Variants in SGCZ observed in about 807,000 individuals in gnomAD.
The protein encoded by SGCZ is sarcoglycan zeta.
Under a neutral mutation model 41.3 loss-of-function variants are expected in SGCZ, and 40 were observed. That is an observed-to-expected ratio of 0.97 (90% CI 0.75 to 1.26). SGCZ has a LOEUF of 1.26. Ranked by LOEUF, SGCZ falls within the 50% of genes most tolerant of loss-of-function variation. The pLI is 0.00. For missense variants in SGCZ, 552 were observed against 369.8 expected, an observed-to-expected ratio of 1.49 and a Z score of -4.04; for synonymous variants, 206 against 137.5, an observed-to-expected ratio of 1.50 and a Z score of -3.49.
At chr8:14,102,737 T>C (rs1349828019) in intron 6 of SGCZ, among the ~76,000 whole-genome samples, 1 of 152,064 alleles carries the variant, frequency 6.6e-6, no homozygotes, top group Non-Finnish European at 1.5e-5. Flanking sequence ...TCACATCGAG[T>C]ATTTACTCTC....
At chr8:14,405,468 C>A (rs1049332229) in intron 2 of SGCZ, among the ~76,000 whole-genome samples, 1 of 152,108 alleles carries the variant, frequency 6.6e-6, no homozygotes, top group South Asian at 2.1e-4. Flanking sequence ...TCAATGTGCA[C>A]ATCATCGGTT....
intron 4 of SGCZ, among the ~76,000 whole-genome samples, chr8:14,171,523 AT>A (rs1804381362): frequency 6.6e-6 from 1 of 152,014 alleles, no homozygotes; most frequent in South Asian, 2.1e-4. Context: ...GAAATTTCAA[AT>A]TTTTTCTCTA....
intron 1 of SGCZ, among the ~76,000 whole-genome samples, chr8:14,821,439 G>C (rs1802079870): frequency 1.3e-5 from 2 of 151,920 alleles, no homozygotes; most frequent in African/African-American, 2.4e-5. Context: ...GAAAACTAAA[G>C]ATGAGGGAAA....
intron 1 of SGCZ, among the ~76,000 whole-genome samples, chr8:14,790,967 G>C (rs1480729991): frequency 1.3e-5 from 2 of 150,938 alleles, no homozygotes; most frequent in East Asian, 2.0e-4. Flanking sequence ...GGAGGCAAAG[G>C]TTGCAGTGAG....
intron 1 of SGCZ, among the ~76,000 whole-genome samples, chr8:14,673,987 A>G (rs952651381): frequency 2.0e-5 from 3 of 152,196 alleles, no homozygotes; most frequent in Admixed American, 2.0e-4. Flanking sequence ...TGAATGTGTC[A>G]CACACTTTTA....
At chr8:15,096,986 T>C (rs1406236548) in intron 1 of SGCZ, among the ~76,000 whole-genome samples, 4 of 152,070 alleles carry the variant, frequency 2.6e-5, no homozygotes, top group South Asian at 2.1e-4. Flanking sequence ...CACCTAGCCT[T>C]ATTTTATTTT....
intron 1 of SGCZ, among the ~76,000 whole-genome samples, chr8:15,173,295 C>T (rs1799903272): frequency 6.6e-6 from 1 of 152,126 alleles, no homozygotes; most frequent in Non-Finnish European, 1.5e-5. Flanking sequence ...AACAGATCTC[C>T]AGGAATTTTT....
intron 1 of SGCZ, among the ~76,000 whole-genome samples, chr8:14,618,149 A>C (rs1406035568): frequency 6.6e-6 from 1 of 152,194 alleles, no homozygotes; most frequent in Non-Finnish European, 1.5e-5. Context: ...GAAAAACTTG[A>C]CAATAAAATA....
At chr8:14,960,348 G>A (rs1463640630) in intron 1 of SGCZ, among the ~76,000 whole-genome samples, 1 of 151,506 alleles carries the variant, frequency 6.6e-6, no homozygotes, top group Non-Finnish European at 1.5e-5. Flanking sequence ...AATACAAGTG[G>A]CCTCTCTGAT....
intron 2 of SGCZ, among the ~76,000 whole-genome samples, chr8:14,351,223 C>A (rs1041647438): frequency 6.6e-6 from 1 of 152,042 alleles, no homozygotes; most frequent in African/African-American, 2.4e-5. Flanking sequence ...GTAAGATAAG[C>A]CTTGCTGTTA....
At chr8:14,465,808 G>C (rs1217313512) in intron 2 of SGCZ, among the ~76,000 whole-genome samples, 1 of 151,632 alleles carries the variant, frequency 6.6e-6, no homozygotes, top group South Asian at 2.1e-4. Flanking sequence ...TTCAGTTGTT[G>C]ATGACACAGA....
chr8:14,432,500 T>C (rs1022042863), intron 2 of SGCZ, among the ~76,000 whole-genome samples: 1 of 152,166 alleles, frequency 6.6e-6, no homozygotes, highest in Non-Finnish European at 1.5e-5. Context: ...GGCATAAGTA[T>C]GACACAATGG....
chr8:14,363,627 G>A (rs1030565655), intron 2 of SGCZ, among the ~76,000 whole-genome samples: 3 of 151,838 alleles, frequency 2.0e-5, no homozygotes, highest in African/African-American at 7.3e-5. Context: ...ATAACAACTG[G>A]CTAAGAAAAA....
intron 2 of SGCZ, among the ~76,000 whole-genome samples, chr8:14,460,959 C>G (rs143064398): frequency 6.6e-6 from 1 of 152,120 alleles, no homozygotes; most frequent in Non-Finnish European, 1.5e-5. Context: ...GATCCTGAAC[C>G]TAGATTTTGA....
chr8:14,219,678 T>C (rs956499723), intron 4 of SGCZ, among the ~76,000 whole-genome samples: 9 of 151,578 alleles, frequency 5.9e-5, no homozygotes, highest in Non-Finnish European at 1.0e-4. Context: ...ACTTGGGAGC[T>C]GGAGGTTGCA....
At chr8:15,230,249 G>T (rs1268930583) in intron 1 of SGCZ, among the ~76,000 whole-genome samples, 1 of 151,316 alleles carries the variant, frequency 6.6e-6, no homozygotes, top group Non-Finnish European at 1.5e-5. Context: ...TACTATGATG[G>T]TAGCTCAAAT....
chr8:14,592,883 A>G (rs1805284735), intron 1 of SGCZ, among the ~76,000 whole-genome samples: 1 of 152,186 alleles, frequency 6.6e-6, no homozygotes, highest in Non-Finnish European at 1.5e-5. Flanking sequence ...GGCAAAAAGC[A>G]TCACATAATG....
At chr8:15,149,811 T>C (rs903613296) in intron 1 of SGCZ, among the ~76,000 whole-genome samples, 4 of 147,044 alleles carry the variant, frequency 2.7e-5, no homozygotes, top group African/African-American at 1.0e-4. Context: ...CTTCTAAAAA[T>C]ACACACTAAT....
intron 1 of SGCZ, among the ~76,000 whole-genome samples, chr8:15,024,917 C>T (rs570732273): frequency 6.7e-6 from 1 of 149,908 alleles, no homozygotes; most frequent in African/African-American, 2.5e-5. Flanking sequence ...GCCTGGGCGA[C>T]AGAGTGAGAC....
Sources: gnomAD v4.1 joint callset for allele counts (sites outside exome capture counted in the v4.1 genomes callset) on GRCh38, gnomAD v4.1.1 for gene constraint, MANE v1.5 for transcripts, NCBI Gene and HGNC (gene_info 2026-07-23, HGNC 2026-07-21) for gene names.